Variants in STK32B observed in about 807,000 individuals in gnomAD.
STK32B encodes the protein serine/threonine kinase 32B.
A neutral mutation model predicts 52.6 loss-of-function variants in STK32B; 43 were observed. The ratio of observed to expected loss-of-function variants is 0.82; its 90% CI spans 0.64 to 1.05. The LOEUF (loss-of-function observed/expected upper bound fraction) is 1.05. STK32B is among the 50% of genes least tolerant of loss of function. The pLI, the probability that STK32B is intolerant of heterozygous loss-of-function variation, is 0.00. For synonymous variants in STK32B, 238 were observed against 204.3 expected (o/e 1.17, Z -1.41); for missense variants, 621 against 534.6 (o/e 1.16, Z -1.59).
intron 4 of STK32B, among the ~76,000 whole-genome samples, chr4:5,356,844 A>G (rs1216213937): frequency 6.6e-6 from 1 of 152,056 alleles, no homozygotes; most frequent in Non-Finnish European, 1.5e-5. Context: ...TGAAAATACA[A>G]AAAATTAGCC....
chr4:5,081,866 AATGT>A (rs1315951280), intron 1 of STK32B, among the ~76,000 whole-genome samples: 3 of 152,324 alleles, frequency 2.0e-5, no homozygotes, highest in African/African-American at 7.2e-5. Flanking sequence ...TTTGTCAGAC[AATGT>A]ATGTATCTTC....
chr4:5,169,229 A>C (rs1055438742), intron 3 of STK32B, among the ~76,000 whole-genome samples: 3 of 152,132 alleles, frequency 2.0e-5, no homozygotes, highest in Non-Finnish European at 4.4e-5. Context: ...TTATTGGGTT[A>C]CTTATCTGTC....
intron 3 of STK32B, 63 bp downstream of exon 3, chr4:5,168,513 C>T (rs1719070991): frequency 3.3e-6 from 5 of 1,532,136 alleles, no homozygotes; most frequent in Non-Finnish European, 4.4e-6. Flanking sequence ...TGCAAATTCG[C>T]CTCTGCTAGA....
At chr4:5,030,755 G>A in the STK32B span, among the ~76,000 whole-genome samples, 1 of 152,128 alleles carries the variant, frequency 6.6e-6, no homozygotes, top group Non-Finnish European at 1.5e-5. Flanking sequence ...ACATCTTCCT[G>A]CCACTTAAGA....
chr4:5,019,855 G>A, the STK32B span, among the ~76,000 whole-genome samples: 2 of 152,182 alleles, frequency 1.3e-5, no homozygotes, highest in African/African-American at 2.4e-5. Flanking sequence ...GGCACGGTTT[G>A]TCAAAATGGA....
At chr4:5,091,865 GC>G (rs1713096924) in intron 1 of STK32B, among the ~76,000 whole-genome samples, 1 of 152,176 alleles carries the variant, frequency 6.6e-6, no homozygotes, top group African/African-American at 2.4e-5. Context: ...ATATTTTTGA[GC>G]CATAAGAGGA....
At chr4:5,087,292 AT>A (rs980869774) in intron 1 of STK32B, among the ~76,000 whole-genome samples, 1 of 152,056 alleles carries the variant, frequency 6.6e-6, no homozygotes, top group African/African-American at 2.4e-5. Context: ...ACTACAAAAA[AT>A]AATAATGTAT....
rs570750672 is a variant in STK32B at position 5,243,411 on chromosome 4, T to G, written c.260+74961T>G. 2.0e-5 allele frequency among the ~76,000 whole-genome samples: 3 copies of G among 152,324 alleles called. No homozygotes were observed. In the South Asian group the frequency reaches 6.2e-4, roughly 32 times the overall value. The stretch of plus-strand genomic sequence containing the variant: ...TATTGGTGTATAAGAATGCTTGCGA[T>G]TTTTGCACGTTGATTCTGTATCCTC... On this transcript the variant is annotated intron_variant, in intron 3 of 11. Coordinates refer to ENST00000282908, the MANE Select transcript of STK32B (RefSeq NM_018401.3).
intron 2 of STK32B, among the ~76,000 whole-genome samples, chr4:5,159,715 ATG>A (rs1249440007): frequency 8.7e-6 from 1 of 115,296 alleles, no homozygotes; most frequent in Non-Finnish European, 1.6e-5. Flanking sequence ...GAATATATAT[ATG>A]AATGTATATG....
chr4:5,193,075 G>A (rs1721354956), intron 3 of STK32B, among the ~76,000 whole-genome samples: 1 of 152,194 alleles, frequency 6.6e-6, no homozygotes, highest in African/African-American at 2.4e-5. Flanking sequence ...CCCGGCCACT[G>A]CACTTTATAA....
At chr4:5,485,731 G>T (rs1156888959) in intron 11 of STK32B, among the ~76,000 whole-genome samples, 1 of 152,046 alleles carries the variant, frequency 6.6e-6, no homozygotes, top group Non-Finnish European at 1.5e-5. Flanking sequence ...TCTACCTTTG[G>T]TCTTTGATGA....
chr4:5,052,031 C>T, intron 1 of STK32B, 116 bp downstream of exon 1: 1 of 1,452,816 alleles, frequency 6.9e-7, no homozygotes. Context: ...CAGGCATGGC[C>T]ACTTCGCCCA....
At chr4:5,348,077 G>A (rs1733584650) in intron 4 of STK32B, among the ~76,000 whole-genome samples, 2 of 152,146 alleles carry the variant, frequency 1.3e-5, no homozygotes, top group Non-Finnish European at 2.9e-5. Flanking sequence ...CCAAAAGCAA[G>A]GAAGGAGAGG....
chr4:5,124,692 A>G (rs1442747355), intron 1 of STK32B, among the ~76,000 whole-genome samples: 1 of 152,190 alleles, frequency 6.6e-6, no homozygotes, highest in Admixed American at 6.5e-5. Flanking sequence ...ATGTGTGCAC[A>G]CATGTGTACA....
chr4:5,128,231 TG>T (rs1305811862), intron 1 of STK32B, among the ~76,000 whole-genome samples: 1 of 152,252 alleles, frequency 6.6e-6, no homozygotes, highest in African/African-American at 2.4e-5. Context: ...AATGAATTTC[TG>T]TTGTTTTAAG....
chr4:5,145,276 G>A (rs1716822115), intron 2 of STK32B, among the ~76,000 whole-genome samples: 1 of 152,052 alleles, frequency 6.6e-6, no homozygotes, highest in African/African-American at 2.4e-5. Context: ...CTTATTTTTT[G>A]ATGCATTTTA....
Position 5,469,435 on chromosome 4 carries a change from G to A in STK32B, c.1106+1365G>A, listed in dbSNP as rs969253803. On this transcript the variant is annotated intron_variant, in intron 11 of 11. Coordinates refer to ENST00000282908, the MANE Select transcript of STK32B (RefSeq NM_018401.3). This position sits in a 1 kb window ranked among gnomAD's most constrained non-coding sequence, Gnocchi z 4.7. ...GGCCAAGTCCTAAGGGACATGTAGG[G>A]GAAAACGCGGCATTCCAGGAGTAGG... 6.6e-6 allele frequency among the ~76,000 whole-genome samples: 1 copy of A among 152,210 alleles called. No individual in the cohort carries two copies. The highest frequency in any genetic ancestry group is 1.5e-5 in the Non-Finnish European group (1 of 68,048).
intron 4 of STK32B, among the ~76,000 whole-genome samples, chr4:5,346,445 C>A (rs565477363): frequency 8.2e-4 from 125 of 152,114 alleles, no homozygotes; most frequent in Non-Finnish European, 1.4e-3. Context: ...AGTTTGTAAA[C>A]AAACAAACCC....
intron 1 of STK32B, among the ~76,000 whole-genome samples, chr4:5,061,422 T>A (rs951280496): frequency 6.6e-6 from 1 of 152,240 alleles, no homozygotes; most frequent in African/African-American, 2.4e-5. Flanking sequence ...TTGGAAGGTA[T>A]GTTTGATAAC....
Sources: allele counts gnomAD v4.1 joint callset (sites outside exome capture counted in the v4.1 genomes callset), GRCh38; gene constraint gnomAD v4.1.1; non-coding constraint Gnocchi (gnomAD v3.1); transcripts MANE v1.5; gene names NCBI Gene and HGNC (gene_info 2026-07-23, HGNC 2026-07-21).